CNTN4: variants seen among roughly 807,000 people sequenced by gnomAD.
CNTN4 encodes contactin-4.
CNTN4 carries 77 observed loss-of-function variants against 122.5 expected under a neutral mutation model. That is an observed-to-expected ratio of 0.63 (90% CI 0.52 to 0.76). The LOEUF is 0.76. Ranked by LOEUF, CNTN4 falls within the 30% of genes least tolerant of loss-of-function variation. CNTN4 has a pLI of 0.00. For synonymous variants in CNTN4, 512 were observed against 447.0 expected, an observed-to-expected ratio of 1.15 and a Z score of -1.83; for missense variants, 1,256 against 1,259.1, an observed-to-expected ratio of 1.00 and a Z score of 0.04.
chr3:2,170,047 C>T (rs182675708), intron 2 of CNTN4, among the ~76,000 whole-genome samples: 10 of 152,074 alleles, frequency 6.6e-5, no homozygotes, highest in South Asian at 2.1e-4. Flanking sequence ...GGAGGCCGGG[C>T]GCGGTGGCTC....
intron 4 of CNTN4, among the ~76,000 whole-genome samples, chr3:2,664,025 G>T (rs1179612422): frequency 6.6e-6 from 1 of 152,054 alleles, no homozygotes; most frequent in East Asian, 1.9e-4. Context: ...TGGGGAAAAG[G>T]GAACAAATGC....
At chr3:2,117,462 A>G (rs915284951) in intron 2 of CNTN4, among the ~76,000 whole-genome samples, 1 of 152,154 alleles carries the variant, frequency 6.6e-6, no homozygotes, top group Admixed American at 6.5e-5. Flanking sequence ...TTAGGTAGGC[A>G]TGATTGATCA....
intron 2 of CNTN4, among the ~76,000 whole-genome samples, chr3:2,138,590 A>C (rs1379142364): frequency 4.6e-5 from 7 of 152,314 alleles, no homozygotes; most frequent in African/African-American, 1.2e-4. Flanking sequence ...CAATTCACTG[A>C]GGGCATGAAT....
In CNTN4 at chr3:2,841,777, T is replaced by TTC. The variant is rs2093366398; in HGVS notation, c.454+22198_454+22199dup. Among the ~76,000 whole-genome samples, 1 of 152,184 alleles carries TTC rather than the reference T, an allele frequency of 6.6e-6. No homozygotes were observed. Among genetic ancestry groups the TTC allele is most frequent in the East Asian group, 1.9e-4 (1 of 5,196 alleles). On this transcript the variant is annotated intron_variant, in intron 7 of 24. Coordinates refer to ENST00000418658, the MANE Select transcript of CNTN4 (RefSeq NM_175607.3). The surrounding 1 kb of genome is among the most constrained non-coding windows in gnomAD (Gnocchi z 4.8). ...AACATGATCATTTTCAGGAATTTTA[T>TTC]TCTTCCTCCCTTGACCACAAATATT...
chr3:2,369,344 C>G (rs185490424), intron 3 of CNTN4, among the ~76,000 whole-genome samples: 2 of 152,188 alleles, frequency 1.3e-5, no homozygotes, highest in Non-Finnish European at 2.9e-5. Flanking sequence ...TCCCCTCTCA[C>G]TGTGCTAATC....
At chr3:2,525,585 G>A (rs767454975) in intron 3 of CNTN4, among the ~76,000 whole-genome samples, 1 of 152,102 alleles carries the variant, frequency 6.6e-6, no homozygotes, top group African/African-American at 2.4e-5. Flanking sequence ...TGAACACAAG[G>A]TGTAAAAATA....
At chr3:2,664,537 C>G (rs6771254) in intron 4 of CNTN4, among the ~76,000 whole-genome samples, 25,997 of 152,058 alleles carry the variant, frequency 0.17, 2,576 homozygotes, top group Admixed American at 0.32. Context: ...AGATAATACA[C>G]TTAGCTATAA....
chr3:2,460,480 C>T (rs550172872), intron 3 of CNTN4, among the ~76,000 whole-genome samples: 1 of 152,238 alleles, frequency 6.6e-6, no homozygotes, highest in African/African-American at 2.4e-5. Context: ...TGACTGCTAC[C>T]TCCTTTGGGC....
At chr3:2,498,637 C>G (rs562439117) in intron 3 of CNTN4, among the ~76,000 whole-genome samples, 1 of 151,976 alleles carries the variant, frequency 6.6e-6, no homozygotes, top group Non-Finnish European at 1.5e-5. Context: ...CATGCCACCA[C>G]GCCCAGCTAA....
chr3:2,723,890 T>C (rs1328308791), intron 4 of CNTN4, among the ~76,000 whole-genome samples: 1 of 152,182 alleles, frequency 6.6e-6, no homozygotes, highest in Non-Finnish European at 1.5e-5. Context: ...TGCAGCCTCT[T>C]ATAACGGTGG....
At chr3:2,630,146 A>G (rs1377913295) in intron 4 of CNTN4, among the ~76,000 whole-genome samples, 1 of 152,202 alleles carries the variant, frequency 6.6e-6, no homozygotes, top group Non-Finnish European at 1.5e-5. Flanking sequence ...ACACAGAACC[A>G]TCTGAAGTCT....
intron 3 of CNTN4, among the ~76,000 whole-genome samples, chr3:2,344,433 C>A (rs2044325747): frequency 6.6e-6 from 1 of 152,108 alleles, no homozygotes. Flanking sequence ...GCGTCTGCCA[C>A]CGCACCCAGC....
At chr3:2,465,512 C>A (rs1963530) in intron 3 of CNTN4, among the ~76,000 whole-genome samples, 152,030 of 152,108 alleles carry the variant, frequency 1, 75,976 homozygotes, top group East Asian at 1. Flanking sequence ...CCCCGTCTCT[C>A]CTAAAATATA....
chr3:2,600,220 A>G (rs995270743), intron 4 of CNTN4, among the ~76,000 whole-genome samples: 1 of 151,250 alleles, frequency 6.6e-6, no homozygotes, highest in Non-Finnish European at 1.5e-5. Flanking sequence ...GATTTTTTTT[A>G]TACTTTAAGT....
At chr3:3,016,743 C>A (rs1697794315) in intron 14 of CNTN4, among the ~76,000 whole-genome samples, 1 of 152,120 alleles carries the variant, frequency 6.6e-6, no homozygotes, top group South Asian at 2.1e-4. Context: ...TCCCAAGTAC[C>A]TATACTTGGC....
chr3:2,687,031 C>T (rs947155092), intron 4 of CNTN4, among the ~76,000 whole-genome samples: 5 of 152,088 alleles, frequency 3.3e-5, no homozygotes, highest in African/African-American at 9.7e-5. Context: ...TTAATGAAGC[C>T]ACAGGTGGCC....
intron 2 of CNTN4, among the ~76,000 whole-genome samples, chr3:2,116,657 G>A (rs1380659894): frequency 2.6e-5 from 4 of 152,022 alleles, no homozygotes; most frequent in Non-Finnish European, 5.9e-5. Context: ...AGGAAATTCA[G>A]GATTTTAAAC....
chr3:3,023,608 A>G (rs1162222960), intron 14 of CNTN4, among the ~76,000 whole-genome samples: 1 of 152,148 alleles, frequency 6.6e-6, no homozygotes, highest in Admixed American at 6.5e-5. Flanking sequence ...AGTTTTAGGG[A>G]CTGGAGCCTG....
intron 3 of CNTN4, among the ~76,000 whole-genome samples, chr3:2,365,190 C>G (rs1346029709): frequency 6.6e-6 from 1 of 151,998 alleles, no homozygotes; most frequent in Non-Finnish European, 1.5e-5. Context: ...CTCTTTTCTT[C>G]TCCTCAATGC....
Sources: allele counts gnomAD v4.1 joint callset (sites outside exome capture counted in the v4.1 genomes callset), GRCh38; gene constraint gnomAD v4.1.1; non-coding constraint Gnocchi (gnomAD v3.1); transcripts MANE v1.5; gene names NCBI Gene and HGNC (gene_info 2026-07-23, HGNC 2026-07-21).